Variants in SLC8A1 observed in about 807,000 individuals in gnomAD.
SLC8A1 encodes solute carrier family 8 member A1, also known as sodium/calcium exchanger 1.
SLC8A1 carries 18 observed loss-of-function variants against 68.3 expected under a neutral mutation model. The ratio of observed to expected loss-of-function variants is 0.26; its 90% CI spans 0.18 to 0.39. The LOEUF is 0.39. Among genes scored for constraint, SLC8A1 ranks in the 10% least tolerant of loss-of-function variants. The probability of loss-of-function intolerance (pLI) is 1.00; values close to 1 mark genes in which losing one functional copy is unlikely to be tolerated. For synonymous variants in SLC8A1, 475 were observed against 415.5 expected, an observed-to-expected ratio of 1.14 and a Z score of -1.74; for missense variants, 985 against 1,156.7, an observed-to-expected ratio of 0.85 and a Z score of 2.15.
intron 7 of SLC8A1, among the ~76,000 whole-genome samples, chr2:40,121,876 C>G (rs1244452829): frequency 6.6e-6 from 1 of 152,042 alleles, no homozygotes; most frequent in Non-Finnish European, 1.5e-5. Context: ...GCTTAAAATT[C>G]TTAATTATTT....
intron 7 of SLC8A1, among the ~76,000 whole-genome samples, chr2:40,129,121 A>T (rs1382283258): frequency 6.6e-6 from 1 of 152,206 alleles, no homozygotes; most frequent in Non-Finnish European, 1.5e-5. Flanking sequence ...CTACAAATGG[A>T]TGCATTTTAT....
At chr2:40,346,613 A>C (rs1669398858) in intron 2 of SLC8A1, among the ~76,000 whole-genome samples, 1 of 152,138 alleles carries the variant, frequency 6.6e-6, no homozygotes, top group Non-Finnish European at 1.5e-5. Context: ...TGGAATTTAC[A>C]AGTCTGGCCT....
At chr2:40,409,846 T>A (rs536259284) in intron 2 of SLC8A1, among the ~76,000 whole-genome samples, 8 of 152,274 alleles carry the variant, frequency 5.3e-5, no homozygotes, top group Admixed American at 2.0e-4. Flanking sequence ...TGCTTTGCCT[T>A]CAATTTCATT....
chr2:40,348,269 C>T (rs922434691), intron 2 of SLC8A1, among the ~76,000 whole-genome samples: 7 of 152,192 alleles, frequency 4.6e-5, no homozygotes, highest in East Asian at 3.9e-4. Flanking sequence ...AAGACATAAC[C>T]GCCTCCTCTC....
intron 2 of SLC8A1, among the ~76,000 whole-genome samples, chr2:40,375,068 C>T (rs75610050): frequency 0.023 from 3,548 of 152,102 alleles, 56 homozygotes; most frequent in Non-Finnish European, 0.035. Flanking sequence ...GAGAACAGCC[C>T]TGTCATTATG....
At chr2:40,338,102 C>G (rs540771456) in intron 2 of SLC8A1, among the ~76,000 whole-genome samples, 4 of 152,136 alleles carry the variant, frequency 2.6e-5, no homozygotes, top group Admixed American at 2.0e-4. Context: ...TCCCTCCCAT[C>G]TCCCTCTTCT....
rs1214421089 is a variant in SLC8A1 at position 40,253,070 on chromosome 2, A to G, written c.1809-75215T>C. Among the ~76,000 whole-genome samples the G allele has an allele frequency of 4.2e-5, 4 of 94,568 alleles. No homozygotes were observed. In the South Asian group the frequency reaches 7.7e-4, roughly 18 times the overall value. 62.0% of individuals were successfully genotyped at this position (94,568 alleles called of 152,430 possible). A position where few individuals can be genotyped will look rare whatever the true frequency, so the allele number is the denominator to read the frequency against. ...ATGTATATATGTACATGTATATACT[A>G]TATATGTGTATAAATGTATATAGTA... On this transcript the variant is annotated intron_variant, in intron 2 of 7. Transcript: ENST00000406785.
At chr2:40,323,241 G>C (rs541546158) in intron 2 of SLC8A1, among the ~76,000 whole-genome samples, 1 of 152,186 alleles carries the variant, frequency 6.6e-6, no homozygotes, top group Admixed American at 6.5e-5. Flanking sequence ...CCATTGCAGT[G>C]TTTCCTTGAT....
chr2:40,235,383 G>C (rs1221683710), intron 2 of SLC8A1, among the ~76,000 whole-genome samples: 1 of 151,652 alleles, frequency 6.6e-6, no homozygotes, highest in Non-Finnish European at 1.5e-5. Context: ...TAGTTTATTT[G>C]TGTAGAGGTG....
chr2:40,278,205 T>G (rs1236627900), intron 2 of SLC8A1, among the ~76,000 whole-genome samples: 2 of 152,106 alleles, frequency 1.3e-5, no homozygotes, highest in East Asian at 1.9e-4. Context: ...GTGCAGGGGC[T>G]CACACCTGTA....
intron 2 of SLC8A1, among the ~76,000 whole-genome samples, chr2:40,323,947 T>A (rs960569251): frequency 1.3e-5 from 2 of 152,038 alleles, no homozygotes; most frequent in African/African-American, 2.4e-5. Context: ...AAAATTTTGC[T>A]TATTTCCGTG....
intron 1 of SLC8A1, among the ~76,000 whole-genome samples, chr2:40,440,731 C>T (rs181611397): frequency 5.9e-5 from 9 of 152,228 alleles, no homozygotes; most frequent in South Asian, 2.1e-4. Context: ...AATTCAACAT[C>T]GCTTCATGTT....
chr2:40,400,195 C>G (rs544909179), intron 2 of SLC8A1, among the ~76,000 whole-genome samples: 126 of 152,282 alleles, frequency 8.3e-4, no homozygotes, highest in African/African-American at 2.9e-3. Context: ...CCGATGCCCC[C>G]GGCCGAATAA....
At position 40,270,654 on chromosome 2, in the gene SLC8A1, G is replaced by T. The variant is rs528055218; in HGVS notation, c.1809-92799C>A. 1.3e-3 allele frequency among the ~76,000 whole-genome samples: 196 copies of T among 152,294 alleles called. No homozygotes were observed. The Middle Eastern group carries it at 0.024, about 19-fold the overall frequency. ...TAGATTGGAACCACTGAAAAATCCA[G>T]AACAATCTCCTCATCTCAAGGACTT... On this transcript the variant is annotated intron_variant, in intron 2 of 7. Transcript: ENST00000406785.
chr2:40,472,278 T>A (rs1234474292), intron 1 of SLC8A1, among the ~76,000 whole-genome samples: 1 of 152,222 alleles, frequency 6.6e-6, no homozygotes, highest in Non-Finnish European at 1.5e-5. Flanking sequence ...CTTTAATCTC[T>A]GTGAGCTTCG....
chr2:40,504,700 A>G (rs116030729), intron 1 of SLC8A1, among the ~76,000 whole-genome samples: 2,802 of 152,160 alleles, frequency 0.018, 94 homozygotes, highest in African/African-American at 0.064. Flanking sequence ...GTAAACAAGC[A>G]TATGAAAATG....
At chr2:40,280,229 T>C (rs1214598003) in intron 2 of SLC8A1, among the ~76,000 whole-genome samples, 1 of 37,696 alleles carries the variant, frequency 2.7e-5, no homozygotes, top group South Asian at 6.2e-4. Context: ...AATCTAATGA[T>C]AAAACCTGAG....
At chr2:40,445,247 A>G (rs893189492) in intron 1 of SLC8A1, among the ~76,000 whole-genome samples, 2 of 152,220 alleles carry the variant, frequency 1.3e-5, no homozygotes, top group Admixed American at 6.5e-5. Context: ...AACGAATGTT[A>G]TAACTATCAT....
chr2:40,298,667 T>C (rs1452273235), intron 2 of SLC8A1, among the ~76,000 whole-genome samples: 1 of 152,208 alleles, frequency 6.6e-6, no homozygotes, highest in Non-Finnish European at 1.5e-5. Context: ...TAACACTATG[T>C]TCAAGTTTTC....
Sources: gnomAD v4.1 joint callset for allele counts (sites outside exome capture counted in the v4.1 genomes callset) on GRCh38, gnomAD v4.1.1 for gene constraint, MANE v1.5 for transcripts, NCBI Gene and HGNC (gene_info 2026-07-23, HGNC 2026-07-21) for gene names.